Variants in KIAA1328 observed in about 807,000 individuals in gnomAD.
KIAA1328 encodes the protein KIAA1328, also known as protein hinderin.
In KIAA1328, 52 loss-of-function variants were observed where a neutral mutation model predicts 68.1. The ratio of observed to expected loss-of-function variants is 0.76; its 90% CI spans 0.61 to 0.96. KIAA1328 has a LOEUF of 0.96. Ranked by LOEUF, KIAA1328 falls within the 40% of genes least tolerant of loss-of-function variation. The probability of loss-of-function intolerance (pLI) is 0.00; values close to 1 mark genes in which losing one functional copy is unlikely to be tolerated. For missense variants in KIAA1328, 641 were observed against 677.6 expected, an observed-to-expected ratio of 0.95 and a Z score of 0.60; for synonymous variants, 232 against 239.4, an observed-to-expected ratio of 0.97 and a Z score of 0.28.
At chr18:37,204,565 G>A (rs1194306383) in intron 9 of KIAA1328, among the ~76,000 whole-genome samples, 4 of 152,108 alleles carry the variant, frequency 2.6e-5, no homozygotes, top group Non-Finnish European at 5.9e-5. Context: ...TTTGTAAATG[G>A]AACAGGCTAA....
At chr18:36,977,491 G>A (rs935011530) in intron 6 of KIAA1328, among the ~76,000 whole-genome samples, 2 of 152,122 alleles carry the variant, frequency 1.3e-5, no homozygotes. Flanking sequence ...TTGACAGATT[G>A]AGTGACTGCT....
intron 7 of KIAA1328, among the ~76,000 whole-genome samples, chr18:37,127,840 G>A (rs2058430123): frequency 6.6e-6 from 1 of 152,074 alleles, no homozygotes; most frequent in Non-Finnish European, 1.5e-5. Flanking sequence ...CAGTAATAAA[G>A]TTCAGTACTG....
At chr18:37,096,472 T>C (rs1343984136) in intron 7 of KIAA1328, among the ~76,000 whole-genome samples, 2 of 152,258 alleles carry the variant, frequency 1.3e-5, no homozygotes, top group Admixed American at 1.3e-4. Context: ...TAATCCAGTC[T>C]ATCATTGTTG....
At chr18:37,156,646 AAGG>A (rs1438455126) in intron 7 of KIAA1328, among the ~76,000 whole-genome samples, 7 of 152,150 alleles carry the variant, frequency 4.6e-5, no homozygotes, top group African/African-American at 1.7e-4. Flanking sequence ...AAAAAGGAAT[AAGG>A]AGAGCAGAAG....
At chr18:37,015,285 T>C (rs1386406202) in intron 6 of KIAA1328, among the ~76,000 whole-genome samples, 1 of 152,170 alleles carries the variant, frequency 6.6e-6, no homozygotes, top group Non-Finnish European at 1.5e-5. Flanking sequence ...TTTTTGTCAG[T>C]TTGTCAAAGA....
chr18:37,177,998 T>C (rs2059627302), intron 9 of KIAA1328, among the ~76,000 whole-genome samples: 1 of 152,164 alleles, frequency 6.6e-6, no homozygotes, highest in South Asian at 2.1e-4. Context: ...CTCTTCTAGT[T>C]ATTTTGAAAT....
At chr18:36,926,483 C>G (rs533962793) in intron 5 of KIAA1328, among the ~76,000 whole-genome samples, 28 of 151,552 alleles carry the variant, frequency 1.8e-4, no homozygotes, top group Non-Finnish European at 3.2e-4. Context: ...TCACATGATA[C>G]CCACAAGGTA....
intron 9 of KIAA1328, among the ~76,000 whole-genome samples, chr18:37,203,376 T>C (rs1232001272): frequency 2.0e-5 from 3 of 152,112 alleles, no homozygotes; most frequent in Non-Finnish European, 4.4e-5. Flanking sequence ...TCATTCCTTT[T>C]TTATTGCTTC....
At chr18:37,204,352 AC>A (rs1475705465) in intron 9 of KIAA1328, among the ~76,000 whole-genome samples, 5 of 152,248 alleles carry the variant, frequency 3.3e-5, no homozygotes, top group Non-Finnish European at 5.9e-5. Flanking sequence ...TTACTAAGTC[AC>A]GTGAACTTGA....
chr18:37,067,364 G>C lies in KIAA1328; in HGVS notation c.1051G>C (p.Ala351Pro). The C allele has an allele frequency of 6.2e-7, 1 of 1,613,812 alleles. No individual in the cohort carries two copies. The highest frequency in any genetic ancestry group is 8.5e-7 in the Non-Finnish European group (1 of 1,179,820). ...SWASLVHGGG[A>P]LQPIETLKKQ... ...GGCATCTCTGGTGCATGGTGGTGGG[G>C]CACTGCAACCCATTGAAACTTTGAA... The change falls in exon 7 of 10, where the codon GCA (alanine) becomes CCA (proline). Residue 351 changes from alanine to proline, a missense_variant. Coordinates refer to ENST00000280020, the MANE Select transcript of KIAA1328 (RefSeq NM_020776.3).
At chr18:36,992,451 CTTTTTTTTTTTTTTT>C (rs71168252) in intron 6 of KIAA1328, among the ~76,000 whole-genome samples, 31 of 130,038 alleles carry the variant, frequency 2.4e-4, no homozygotes, top group African/African-American at 5.2e-4. Flanking sequence ...TCTTTTCTTT[CTTTTTTTTTTTTTTT>C]TTTTTTTTTT....
intron 5 of KIAA1328, among the ~76,000 whole-genome samples, chr18:36,905,743 T>C (rs911622901): frequency 2.0e-5 from 3 of 152,162 alleles, no homozygotes; most frequent in Admixed American, 6.6e-5. Flanking sequence ...TTGGGCAACA[T>C]CTCATAGTGC....
At chr18:37,062,477 G>A (rs1350893248) in intron 6 of KIAA1328, among the ~76,000 whole-genome samples, 1 of 149,102 alleles carries the variant, frequency 6.7e-6, no homozygotes, top group Non-Finnish European at 1.5e-5. Flanking sequence ...TTTTGAGACA[G>A]AGTCTCACTC....
intron 9 of KIAA1328, among the ~76,000 whole-genome samples, chr18:37,194,081 C>G (rs569107967): frequency 1.9e-4 from 29 of 152,234 alleles, no homozygotes; most frequent in African/African-American, 7.0e-4. Context: ...AATGAATATT[C>G]CTATATATAT....
At chr18:37,006,789 T>G (rs2053801384) in intron 6 of KIAA1328, among the ~76,000 whole-genome samples, 1 of 152,146 alleles carries the variant, frequency 6.6e-6, no homozygotes, top group African/African-American at 2.4e-5. Context: ...AACCTTCATT[T>G]TAAGAGGCAA....
chr18:36,848,233 A>T (rs1047559253), intron 4 of KIAA1328, among the ~76,000 whole-genome samples: 12 of 151,354 alleles, frequency 7.9e-5, no homozygotes, highest in African/African-American at 2.4e-4. Flanking sequence ...ATTTTCTTTA[A>T]TTTTTCTAGG....
intron 4 of KIAA1328, among the ~76,000 whole-genome samples, chr18:36,876,642 T>C (rs1175067709): frequency 6.6e-6 from 1 of 152,176 alleles, no homozygotes; most frequent in Non-Finnish European, 1.5e-5. Context: ...GATTCATTGA[T>C]TTTTTGGAAG....
chr18:36,928,267 C>T (rs1347164634), intron 5 of KIAA1328, among the ~76,000 whole-genome samples: 1 of 151,886 alleles, frequency 6.6e-6, no homozygotes, highest in Non-Finnish European at 1.5e-5. Context: ...AGGTCTTGAC[C>T]CCTTTGGGTG....
chr18:37,103,007 G>A (rs11081985), intron 7 of KIAA1328, among the ~76,000 whole-genome samples: 20,702 of 152,128 alleles, frequency 0.14, 1,752 homozygotes, highest in Admixed American at 0.18. Flanking sequence ...AACGAGGAAA[G>A]TACCAAGCAA....
Sources: allele counts gnomAD v4.1 joint callset (sites outside exome capture counted in the v4.1 genomes callset), GRCh38; gene constraint gnomAD v4.1.1; transcripts MANE v1.5; gene names NCBI Gene and HGNC (gene_info 2026-07-23, HGNC 2026-07-21).